Variants in FAM200B observed in about 807,000 individuals in gnomAD.
FAM200B encodes the protein protein FAM200B.
Under a neutral mutation model 33.1 loss-of-function variants are expected in FAM200B, and 32 were observed. That is an observed-to-expected ratio of 0.97 (90% confidence interval 0.73 to 1.30). The LOEUF (loss-of-function observed/expected upper bound fraction) is 1.30. Ranked by LOEUF, FAM200B falls within the 50% of genes most tolerant of loss-of-function variation. The probability of loss-of-function intolerance (pLI) is 0.00; values close to 1 mark genes in which losing one functional copy is unlikely to be tolerated. For synonymous variants in FAM200B, 240 were observed against 264.8 expected (o/e 0.91, Z 0.91); for missense variants, 741 against 754.0 (o/e 0.98, Z 0.20).
the FAM200B span, among the ~76,000 whole-genome samples, chr4:15,643,273 A>T: frequency 6.6e-6 from 1 of 152,130 alleles, no homozygotes; most frequent in African/African-American, 2.4e-5. Flanking sequence ...TCTTTAATCC[A>T]TCCTCCCTAA....
rs573453882 is a variant in FAM200B at position 15,689,854 on chromosome 4, C to A, written c.*903C>A. ...TAAATCCTCCATTATTCCTTTATTT[C>A]TTTGTTTTCCTTGTAGTATATAATT... On this transcript the variant is annotated 3_prime_UTR_variant, in exon 2 of 2. Transcript: ENST00000422728. 1.8e-5 allele frequency: 3 copies of A among 165,374 alleles called. No individual in the cohort carries two copies. In the Admixed American group the frequency reaches 2.0e-4, roughly 11 times the overall value. The allele number at this position is 165,374 out of a possible 1,614,324, so 10.2% of individuals were successfully genotyped here.
At chr4:15,660,248 T>A in the FAM200B span, among the ~76,000 whole-genome samples, 1 of 152,234 alleles carries the variant, frequency 6.6e-6, no homozygotes, top group Middle Eastern at 3.4e-3. Flanking sequence ...AGGCTAATTT[T>A]TTATTTTTAT....
In FAM200B at chr4:15,687,368, T is replaced by A; in HGVS notation, c.391T>A (p.Leu131Ile). The A allele has an allele frequency of 6.5e-7, 1 of 1,546,828 alleles. No individual in the cohort carries two copies. Among genetic ancestry groups the A allele is most frequent in the Non-Finnish European group, 8.7e-7 (1 of 1,144,324 alleles). Residue 131 changes from leucine (L) to isoleucine (I), a missense_variant, in exon 2 of 2, where the codon TTA (leucine) becomes ATA (isoleucine). Leu to Ile is a conservative substitution (Grantham distance 5). Coordinates refer to ENST00000422728, the MANE Select transcript of FAM200B (RefSeq NM_001145191.2). ...TCAAAGAAAGAAAAAAGACATAAAG[T>A]TATCAACACAATTTCTTAGTTGTTC... ...YFQRKKKDIK[L>I]STQFLSCSTA...
In FAM200B at chr4:15,687,076, C is replaced by T; in HGVS notation, c.99C>T (p.Asp33=). 1 of 1,545,284 alleles carries T rather than the reference C, an allele frequency of 6.5e-7. No individual in the cohort carries two copies. Among genetic ancestry groups the T allele is most frequent in the African/African-American group, 1.4e-5 (1 of 72,956 alleles). ...SSVESGIVNS[D]NIEKNTDSNL... ...TTGAATCTGGAATTGTGAATAGTGA[C>T]AATATTGAGAAAAATACTGACTCCA... Residue 33 remains aspartate (D), a synonymous_variant, in exon 2 of 2, where the codon GAC becomes GAT. Coordinates refer to ENST00000422728, the MANE Select transcript of FAM200B (RefSeq NM_001145191.2).
At chr4:15,681,680 G>T (rs373974240), upstream of FAM200B, 20 of 152,658 alleles carry the variant, frequency 1.3e-4, no homozygotes, top group African/African-American at 4.8e-4. Flanking sequence ...GTGGAAAAGT[G>T]GAGCCTGCAC....
chr4:15,673,104 C>T, the FAM200B span, among the ~76,000 whole-genome samples: 5 of 152,138 alleles, frequency 3.3e-5, no homozygotes, highest in South Asian at 2.1e-4. Flanking sequence ...AGTTGTTTTA[C>T]GGTTAACTTT....
rs1476204646 is a variant in FAM200B at position 15,688,615 on chromosome 4, T to A, written c.1638T>A (p.Pro546=). ...WVKDPFAFRH[P]ESIIELNLVP... is the part of the protein sequence containing the mutation. ...AAGATCCATTTGCTTTTCGACACCC[T>A]GAATCAATAATTGAGCTAAACTTGG... The change falls in exon 2 of 2, where the codon CCT becomes CCA. Residue 546 remains proline, a synonymous_variant. Coordinates refer to ENST00000422728, the MANE Select transcript of FAM200B (RefSeq NM_001145191.2). 8.4e-6 allele frequency: 13 copies of A among 1,551,166 alleles called. No individual in the cohort carries two copies. The highest frequency in any genetic ancestry group is 2.0e-5 in the Admixed American group (1 of 51,006).
chr4:15,677,439 G>A (rs1240217031), upstream of FAM200B, among the ~76,000 whole-genome samples: 1 of 152,146 alleles, frequency 6.6e-6, no homozygotes, highest in Non-Finnish European at 1.5e-5. Context: ...GGGACCCTAG[G>A]TACCTTCAGG....
chr4:15,644,767 A>T, the FAM200B span: 1 of 1,200,240 alleles, frequency 8.3e-7, no homozygotes, highest in East Asian at 2.5e-5. Flanking sequence ...CACAAATAAA[A>T]AATATTCAAA....
chr4:15,640,542 A>T, the FAM200B span, among the ~76,000 whole-genome samples: 1 of 152,110 alleles, frequency 6.6e-6, no homozygotes, highest in Non-Finnish European at 1.5e-5. Flanking sequence ...TTTACAAAAA[A>T]GAAAATTAAT....
chr4:15,640,931 A>C, the FAM200B span: 2 of 1,040,946 alleles, frequency 1.9e-6, no homozygotes, highest in Non-Finnish European at 2.8e-6. Flanking sequence ...TCGCTTCATT[A>C]ATTATGTCTG....
At chr4:15,680,909 TTA>T (rs1718223364), upstream of FAM200B, among the ~76,000 whole-genome samples, 1 of 148,774 alleles carries the variant, frequency 6.7e-6, no homozygotes, top group African/African-American at 2.4e-5. Flanking sequence ...GCAGTATATA[TTA>T]TATATATAAG....
the FAM200B span, among the ~76,000 whole-genome samples, chr4:15,641,836 G>A: frequency 2.0e-5 from 3 of 151,988 alleles, no homozygotes; most frequent in Non-Finnish European, 2.9e-5. Flanking sequence ...AGACCAGCCA[G>A]CCCAACGCGG....
At chr4:15,661,869 C>T in the FAM200B span, among the ~76,000 whole-genome samples, 1 of 152,164 alleles carries the variant, frequency 6.6e-6, no homozygotes, top group East Asian at 1.9e-4. Context: ...ACTGAAGGAT[C>T]TGCTTTCAGG....
the FAM200B span, among the ~76,000 whole-genome samples, chr4:15,663,603 T>G: frequency 1.3e-5 from 2 of 152,218 alleles, no homozygotes; most frequent in Non-Finnish European, 2.9e-5. Context: ...CACTCATCTG[T>G]GAAATGGAAA....
chr4:15,675,154 AT>A, the FAM200B span, among the ~76,000 whole-genome samples: 18,228 of 152,136 alleles, frequency 0.12, 1,227 homozygotes, highest in Non-Finnish European at 0.15. Context: ...CACATCATTG[AT>A]TTTTTATGTT....
the FAM200B span, among the ~76,000 whole-genome samples, chr4:15,656,579 C>A: frequency 2.9e-4 from 44 of 152,288 alleles, no homozygotes; most frequent in African/African-American, 1.0e-3. Flanking sequence ...CTATTTAGTT[C>A]TAATCTTATA....
At chr4:15,674,282 T>G in the FAM200B span, among the ~76,000 whole-genome samples, 1 of 152,070 alleles carries the variant, frequency 6.6e-6, no homozygotes, top group Admixed American at 6.6e-5. Flanking sequence ...GATTGTTCAT[T>G]GCTAAGTGGC....
chr4:15,664,897 A>G, the FAM200B span, among the ~76,000 whole-genome samples: 18 of 152,136 alleles, frequency 1.2e-4, no homozygotes, highest in African/African-American at 4.3e-4. Flanking sequence ...GCAGTCCCCA[A>G]CAGCCTACAG....
Sources: allele counts gnomAD v4.1 joint callset (sites outside exome capture counted in the v4.1 genomes callset), GRCh38; gene constraint gnomAD v4.1.1; transcripts MANE v1.5; gene names NCBI Gene and HGNC (gene_info 2026-07-23, HGNC 2026-07-21).